Variants in AGBL3 observed in about 807,000 individuals in gnomAD.
AGBL3 encodes the protein cytosolic carboxypeptidase 3.
In AGBL3, 68 loss-of-function variants were observed where a neutral mutation model predicts 94.5. The observed-to-expected ratio is 0.72, with a 90% CI of 0.59 to 0.88. The LOEUF is 0.88. Ranked by LOEUF, AGBL3 falls within the 40% of genes least tolerant of loss-of-function variation. The pLI, the probability that AGBL3 is intolerant of heterozygous loss-of-function variation, is 0.00. For synonymous variants in AGBL3, 354 were observed against 370.7 expected (o/e 0.95, Z 0.52); for missense variants, 934 against 1,103.8 (o/e 0.85, Z 2.18).
At chr7:134,995,556 T>G (rs1810904312) in intron 4 of AGBL3, 1 of 152,212 alleles carries the variant, frequency 6.6e-6, no homozygotes, top group Non-Finnish European at 1.5e-5. Context: ...TTCTGGCCTC[T>G]TCTATTGAAA....
At chr7:135,006,728 A>G (rs150381906) in intron 4 of AGBL3, among the ~76,000 whole-genome samples, 162 of 152,044 alleles carry the variant, frequency 1.1e-3, no homozygotes, top group Middle Eastern at 3.4e-3. Context: ...CTTGCAAAGA[A>G]GTTATGTGAA....
At chr7:135,060,379 CATACTT>C (rs1242349102) in intron 12 of AGBL3, among the ~76,000 whole-genome samples, 2 of 152,074 alleles carry the variant, frequency 1.3e-5, no homozygotes, top group Non-Finnish European at 2.9e-5. Flanking sequence ...CATTACCTCA[CATACTT>C]ATTTTTGTGG....
intron 16 of AGBL3, among the ~76,000 whole-genome samples, chr7:135,123,343 G>GA (rs1827409066): frequency 1.3e-5 from 2 of 151,976 alleles, no homozygotes; most frequent in Non-Finnish European, 2.9e-5. Context: ...CAAGACTAGA[G>GA]AAAAAAGAAT....
intron 11 of AGBL3, among the ~76,000 whole-genome samples, chr7:135,057,720 C>T (rs1342915978): frequency 6.6e-6 from 1 of 152,114 alleles, no homozygotes; most frequent in Non-Finnish European, 1.5e-5. Flanking sequence ...CTGGAAGCAA[C>T]CAAAATGTCC....
intron 15 of AGBL3, among the ~76,000 whole-genome samples, chr7:135,114,738 C>T (rs987123979): frequency 2.0e-5 from 3 of 152,158 alleles, no homozygotes; most frequent in Non-Finnish European, 2.9e-5. Flanking sequence ...AAGAGATCTC[C>T]CTGTTTGTTC....
At chr7:134,992,554 G>C (rs1160741191) in intron 3 of AGBL3, among the ~76,000 whole-genome samples, 1 of 152,154 alleles carries the variant, frequency 6.6e-6, no homozygotes, top group Non-Finnish European at 1.5e-5. Flanking sequence ...TCTGTATATA[G>C]TTTTTAGCAC....
chr7:135,096,752 A>AAAGAAAG (rs1421873012), intron 15 of AGBL3, among the ~76,000 whole-genome samples: 3 of 142,024 alleles, frequency 2.1e-5, no homozygotes, highest in Non-Finnish European at 4.6e-5. Flanking sequence ...TGAAAGAAAG[A>AAAGAAAG]AAGAAAGAAA....
chr7:135,084,860 A>C (rs577179308), intron 15 of AGBL3, among the ~76,000 whole-genome samples: 32 of 152,136 alleles, frequency 2.1e-4, no homozygotes, highest in Non-Finnish European at 3.4e-4. Context: ...ATATATACCC[A>C]GTAGTGGGAT....
At chr7:135,010,000 T>A in intron 4 of AGBL3, 2 of 432,958 alleles carry the variant, frequency 4.6e-6, no homozygotes, top group South Asian at 3.3e-5. Flanking sequence ...TTTTATTTTT[T>A]GTTGTAAGGG....
intron 16 of AGBL3, chr7:135,128,692 C>CT: frequency 7.5e-7 from 1 of 1,325,138 alleles, no homozygotes; most frequent in South Asian, 1.2e-5. Context: ...ATTGTCTCTC[C>CT]TTTTGAGCTC....
At chr7:135,112,016 C>G (rs988550031) in intron 15 of AGBL3, among the ~76,000 whole-genome samples, 3 of 152,088 alleles carry the variant, frequency 2.0e-5, no homozygotes, top group African/African-American at 7.2e-5. Flanking sequence ...AGTGTACTGC[C>G]ATCATCCAGT....
chr7:135,115,873 A>G, intron 16 of AGBL3: 2 of 355,658 alleles, frequency 5.6e-6, no homozygotes, highest in South Asian at 9.4e-5. Context: ...AGGCATAAAT[A>G]AAGTATGATT....
intron 15 of AGBL3, among the ~76,000 whole-genome samples, chr7:135,084,293 A>G (rs942873342): frequency 5.9e-5 from 9 of 152,180 alleles, no homozygotes; most frequent in African/African-American, 2.2e-4. Context: ...TATAATGATC[A>G]AATTGAGGTA....
At chr7:135,101,269 C>A (rs1585118461) in intron 15 of AGBL3, 2 of 455,914 alleles carry the variant, frequency 4.4e-6, no homozygotes, top group Middle Eastern at 6.5e-4. Flanking sequence ...ACAAGGATAC[C>A]AACAGAAGGT....
At chr7:135,128,787 A>G in intron 16 of AGBL3, 1 of 1,241,078 alleles carries the variant, frequency 8.1e-7, no homozygotes, top group South Asian at 1.3e-5. Flanking sequence ...GAACTTCTGG[A>G]TCTGATACAG....
At chr7:135,097,538 T>G (rs1001729542) in intron 15 of AGBL3, among the ~76,000 whole-genome samples, 2 of 152,172 alleles carry the variant, frequency 1.3e-5, no homozygotes, top group Non-Finnish European at 1.5e-5. Flanking sequence ...CATGTTTCAT[T>G]CAGTCTGTGA....
intron 4 of AGBL3, chr7:135,012,283 T>C (rs1477417734): frequency 1.3e-5 from 2 of 152,050 alleles, no homozygotes; most frequent in Non-Finnish European, 2.9e-5. Flanking sequence ...GGTGGTAAAA[T>C]TATAAAGGAG....
At chr7:135,050,616 A>G (rs73153740) in intron 11 of AGBL3, among the ~76,000 whole-genome samples, 18,055 of 151,764 alleles carry the variant, frequency 0.12, 1,202 homozygotes, top group East Asian at 0.19. Context: ...TGGCCCTTTT[A>G]TTTGTTATAT....
In AGBL3 at chr7:135,058,566, C is replaced by G. The variant is rs1818537088; in HGVS notation, c.1842-603C>G. Among the ~76,000 whole-genome samples the G allele has an allele frequency of 2.0e-5, 3 of 152,106 alleles. No homozygotes were observed. The South Asian group carries it at 6.2e-4, about 32-fold the overall frequency. ...TTAACATATTAACAAATCTTGAGTGCCTACTATATGCCAAGCACTATTTCC... is the reference window on the plus strand; with the variant it reads ...TTAACATATTAACAAATCTTGAGTGGCTACTATATGCCAAGCACTATTTCC... On this transcript the variant is annotated intron_variant, in intron 11 of 16. Coordinates refer to ENST00000436302, the MANE Select transcript of AGBL3 (RefSeq NM_178563.4).
Sources: allele counts gnomAD v4.1 joint callset (sites outside exome capture counted in the v4.1 genomes callset), GRCh38; gene constraint gnomAD v4.1.1; transcripts MANE v1.5; gene names NCBI Gene and HGNC (gene_info 2026-07-23, HGNC 2026-07-21).